Variants in MED12L observed in about 807,000 individuals in gnomAD.
The protein encoded by MED12L is mediator complex subunit 12L.
Under a neutral mutation model 281.3 loss-of-function variants are expected in MED12L, and 60 were observed. The ratio of observed to expected loss-of-function variants is 0.21; its 90% CI spans 0.17 to 0.26. MED12L has a LOEUF of 0.26. MED12L is among the 10% of genes least tolerant of loss of function. The probability of loss-of-function intolerance (pLI) is 1.00; values close to 1 mark genes in which losing one functional copy is unlikely to be tolerated. For missense variants in MED12L, 2,146 were observed against 2,680.9 expected (o/e 0.80, Z 4.41); for synonymous variants, 974 against 987.2 (o/e 0.99, Z 0.25).
At chr3:151,344,485 C>T (rs1752288645) in intron 16 of MED12L, among the ~76,000 whole-genome samples, 1 of 152,090 alleles carries the variant, frequency 6.6e-6, no homozygotes, top group African/African-American at 2.4e-5. Context: ...TGTTTTAAGG[C>T]ATCTTTTAAG....
At chr3:151,311,712 TATATAA>T (rs1166016949) in intron 16 of MED12L, among the ~76,000 whole-genome samples, 1 of 152,210 alleles carries the variant, frequency 6.6e-6, no homozygotes, top group Non-Finnish European at 1.5e-5. Flanking sequence ...CACTGTTTTC[TATATAA>T]ATATATCTAG....
intron 33 of MED12L, 114 bp from the exon 34 acceptor site, chr3:151,383,665 A>G (rs933634221): frequency 1.5e-6 from 1 of 646,874 alleles, no homozygotes; most frequent in Non-Finnish European, 2.7e-6. Flanking sequence ...TCTATAAACT[A>G]GAGCATCCCT....
chr3:151,336,588 CAT>C (rs1442501245), intron 16 of MED12L: 7 of 455,194 alleles, frequency 1.5e-5, no homozygotes, highest in Non-Finnish European at 2.6e-5. Flanking sequence ...TAAACTTCCA[CAT>C]GTGTTATATG....
At chr3:151,294,160 A>G (rs1165221556) in intron 16 of MED12L, 7 of 1,485,842 alleles carry the variant, frequency 4.7e-6, no homozygotes, top group African/African-American at 1.4e-5. Context: ...CCAACAAACA[A>G]TAAAAGGCCT....
At chr3:151,315,364 A>G (rs766123962) in intron 16 of MED12L, among the ~76,000 whole-genome samples, 1 of 152,168 alleles carries the variant, frequency 6.6e-6, no homozygotes, top group African/African-American at 2.4e-5. Context: ...TTTCCCACCC[A>G]CATCTCTGAA....
chr3:151,322,894 A>G (rs1050092242), intron 16 of MED12L, among the ~76,000 whole-genome samples: 12 of 151,600 alleles, frequency 7.9e-5, no homozygotes, highest in Non-Finnish European at 1.5e-4. Context: ...TATTCCCTAG[A>G]CCTCTAATCT....
chr3:151,131,373 GGAA>G (rs1490682098), intron 5 of MED12L, among the ~76,000 whole-genome samples: 4 of 152,188 alleles, frequency 2.6e-5, no homozygotes, highest in African/African-American at 9.7e-5. Flanking sequence ...GAACAGGGCA[GGAA>G]GATCGCTTGA....
chr3:151,266,821 A>G (rs1455497630), intron 16 of MED12L, among the ~76,000 whole-genome samples: 2 of 152,214 alleles, frequency 1.3e-5, no homozygotes, highest in Admixed American at 1.3e-4. Flanking sequence ...TAGATGTCCT[A>G]CGAAGGGAAA....
intron 5 of MED12L, among the ~76,000 whole-genome samples, chr3:151,146,054 C>A (rs1181617852): frequency 3.3e-5 from 5 of 152,196 alleles, no homozygotes; most frequent in African/African-American, 1.2e-4. Flanking sequence ...TGATAAAAAA[C>A]CAAACTCCAT....
chr3:151,138,342 A>C lies in MED12L; in HGVS notation c.556+10358A>C, dbSNP rs190160438. Reference sequence around the variant, plus strand: ...TTTTAGATTTACAGAGAAATTGAGAAGATAGTACAGAGTTCCCATGCATTC... The same window carrying C: ...TTTTAGATTTACAGAGAAATTGAGACGATAGTACAGAGTTCCCATGCATTC... On this transcript the variant is annotated intron_variant, in intron 5 of 44. Coordinates refer to ENST00000687756, the MANE Select transcript of MED12L (RefSeq NM_001393769.1). 2.0e-5 allele frequency among the ~76,000 whole-genome samples: 3 copies of C among 152,310 alleles called. No homozygotes were observed. In the East Asian group the frequency reaches 5.8e-4, roughly 29 times the overall value.
At chr3:151,106,299 CCT>C (rs1315865605) in intron 2 of MED12L, among the ~76,000 whole-genome samples, 6 of 110,054 alleles carry the variant, frequency 5.5e-5, no homozygotes, top group Non-Finnish European at 7.0e-5. Flanking sequence ...TTTTCCTTTT[CCT>C]TTTCCTTCTC....
chr3:151,221,634 G>A (rs191138366), intron 16 of MED12L, among the ~76,000 whole-genome samples: 1 of 152,310 alleles, frequency 6.6e-6, no homozygotes, highest in African/African-American at 2.4e-5. Context: ...GCTTCCACCT[G>A]GTGTGGAGCC....
rs200041934 is a variant in MED12L at position 151,293,677 on chromosome 3, A to ACACC, written c.2251-56381_2251-56380insACCC. Among the ~76,000 whole-genome samples, 13 of 121,350 alleles carry ACACC rather than the reference A, an allele frequency of 1.1e-4. No homozygotes were observed. In the East Asian group the frequency reaches 1.1e-3, roughly 11 times the overall value. The allele number at this position is 121,350 out of a possible 152,430, so 79.6% of individuals were successfully genotyped here. ...CACACACACACACACACACACACACACCCTCTACCTTCATTTCTATAGTGT... is the reference window on the plus strand; with the variant it reads ...CACACACACACACACACACACACACACACCCCCTCTACCTTCATTTCTATAGTGT... On this transcript the variant is annotated intron_variant, in intron 16 of 44. Transcript: ENST00000687756.
chr3:151,278,608 C>T (rs1229934216), intron 16 of MED12L: 2 of 152,236 alleles, frequency 1.3e-5, no homozygotes, highest in African/African-American at 4.8e-5. Flanking sequence ...TCCTACTTTT[C>T]CCCACATCCC....
rs1458047242 is a variant in MED12L at position 151,377,155 on chromosome 3, G to A, written c.4293G>A (p.Gln1431=). 6.2e-6 allele frequency: 10 copies of A among 1,612,624 alleles called. No homozygotes were observed. Among genetic ancestry groups the A allele is most frequent in the Admixed American group, 1.7e-5 (1 of 59,732 alleles). Residue 1431 remains glutamine, a synonymous_variant, in exon 30 of 45, where the codon CAG becomes CAA. Coordinates refer to ENST00000687756, the MANE Select transcript of MED12L (RefSeq NM_001393769.1). ...GTGCTGATACAAGTAGCACGAGACAGAATGGAATAAAGACATTCCTAAGGT... is the reference window on the plus strand; with the variant it reads ...GTGCTGATACAAGTAGCACGAGACAAAATGGAATAAAGACATTCCTAAGGT... ...IGSADTSSTR[Q]NGIKTFLSSS... is the part of the protein sequence containing the mutation.
At chr3:151,110,855 G>A (rs1406479525) in intron 2 of MED12L, among the ~76,000 whole-genome samples, 1 of 152,150 alleles carries the variant, frequency 6.6e-6, no homozygotes, top group Non-Finnish European at 1.5e-5. Flanking sequence ...TTCCTCTTGG[G>A]ATCTGCTGCT....
At chr3:151,240,437 G>A (rs1733845578) in intron 16 of MED12L, among the ~76,000 whole-genome samples, 1 of 152,220 alleles carries the variant, frequency 6.6e-6, no homozygotes, top group Non-Finnish European at 1.5e-5. Flanking sequence ...AATAGCTGCT[G>A]CGTGCCAGGT....
At chr3:151,343,030 G>A (rs973647055) in intron 16 of MED12L, among the ~76,000 whole-genome samples, 6 of 152,032 alleles carry the variant, frequency 3.9e-5, no homozygotes, top group Non-Finnish European at 8.8e-5. Context: ...ATCTGTATTT[G>A]TGTATTTCTG....
Position 151,396,884 on chromosome 3 carries a change from C to G in MED12L, c.5820+2017C>G, listed in dbSNP as rs532945026. 6.6e-5 allele frequency among the ~76,000 whole-genome samples: 10 copies of G among 152,246 alleles called. No homozygotes were observed. In the East Asian group the frequency reaches 1.7e-3, roughly 26 times the overall value. On this transcript the variant is annotated intron_variant, in intron 39 of 44. Transcript: ENST00000687756. ...TATAAGCCATGACAAACGATTTCAG[C>G]TAGAAATTTTTTTAAAGCATTTAAT...
Sources: gnomAD v4.1 joint callset for allele counts (sites outside exome capture counted in the v4.1 genomes callset) on GRCh38, gnomAD v4.1.1 for gene constraint, MANE v1.5 for transcripts, NCBI Gene and HGNC (gene_info 2026-07-23, HGNC 2026-07-21) for gene names.